The following SH3RF1 variants were observed in gnomAD, a reference collection of about 807,000 sequenced individuals.
SH3RF1 encodes the protein SH3 domain containing ring finger 1, also known as E3 ubiquitin-protein ligase SH3RF1.
In SH3RF1, 32 loss-of-function variants were observed where a neutral mutation model predicts 74.0. The ratio of observed to expected loss-of-function variants is 0.43; its 90% CI spans 0.33 to 0.58. The LOEUF is 0.58. Ranked by LOEUF, SH3RF1 falls within the 20% of genes least tolerant of loss-of-function variation. SH3RF1 has a pLI of 0.05. For synonymous variants in SH3RF1, 396 were observed against 439.6 expected (o/e 0.90, Z 1.24); for missense variants, 954 against 1,130.9 (o/e 0.84, Z 2.24).
At chr4:169,130,363 G>A (rs944130890) in intron 5 of SH3RF1, among the ~76,000 whole-genome samples, 4 of 152,056 alleles carry the variant, frequency 2.6e-5, no homozygotes, top group African/African-American at 7.2e-5. Context: ...GCTGGGGAGT[G>A]ATGTGATAAA....
chr4:169,166,043 T>C (rs1734236617), intron 2 of SH3RF1, among the ~76,000 whole-genome samples: 1 of 151,994 alleles, frequency 6.6e-6, no homozygotes, highest in Non-Finnish European at 1.5e-5. Context: ...TAGTGATGTG[T>C]AGGGAGGGGA....
At chr4:169,224,173 C>G (rs1579148006) in intron 2 of SH3RF1, among the ~76,000 whole-genome samples, 4 of 152,308 alleles carry the variant, frequency 2.6e-5, no homozygotes, top group East Asian at 1.9e-4. Flanking sequence ...GGCAGTACAT[C>G]CCACTGAGAA....
rs145575230 is a variant in SH3RF1 at position 169,190,727 on chromosome 4, C to G, written c.394-34048G>C. 9.5e-3 allele frequency among the ~76,000 whole-genome samples: 1,441 copies of G among 152,184 alleles called. 51 individuals carry two copies. The East Asian group carries it at 0.11, about 11-fold the overall frequency. ...ACCCTCCCTAAATCATTCTATGAAG[C>G]CAGCATCACCCTAATACCAAAACCA... is the stretch of plus-strand genomic sequence containing the variant. On this transcript the variant is annotated intron_variant, in intron 2 of 11. Coordinates refer to ENST00000284637, the MANE Select transcript of SH3RF1 (RefSeq NM_020870.4).
chr4:169,256,187 A>T (rs7691304), intron 2 of SH3RF1, among the ~76,000 whole-genome samples: 2,999 of 152,214 alleles, frequency 0.02, 95 homozygotes, highest in African/African-American at 0.065. Flanking sequence ...GAATTTTTTT[A>T]AAATTACTTG....
intron 6 of SH3RF1, among the ~76,000 whole-genome samples, chr4:169,129,488 C>T (rs939646958): frequency 2.0e-5 from 3 of 152,174 alleles, no homozygotes; most frequent in African/African-American, 7.2e-5. Flanking sequence ...CGTTTAGACT[C>T]TATCTGTAGG....
intron 2 of SH3RF1, among the ~76,000 whole-genome samples, chr4:169,215,382 T>C (rs939989111): frequency 6.6e-6 from 1 of 152,228 alleles, no homozygotes; most frequent in African/African-American, 2.4e-5. Flanking sequence ...TATACACCTA[T>C]GTTCATGACA....
chr4:169,224,111 C>T (rs1028822294), intron 2 of SH3RF1, among the ~76,000 whole-genome samples: 1 of 152,132 alleles, frequency 6.6e-6, no homozygotes, highest in African/African-American at 2.4e-5. Context: ...GTCCTTGTAA[C>T]AATTTAGAAG....
At chr4:169,158,551 A>C (rs1249830100) in intron 2 of SH3RF1, among the ~76,000 whole-genome samples, 1 of 152,248 alleles carries the variant, frequency 6.6e-6, no homozygotes, top group Non-Finnish European at 1.5e-5. Flanking sequence ...TTTAATGCAC[A>C]AACAGACTTA....
intron 10 of SH3RF1, among the ~76,000 whole-genome samples, chr4:169,113,117 T>C (rs544720440): frequency 1.3e-3 from 193 of 151,700 alleles, no homozygotes; most frequent in African/African-American, 4.4e-3. Flanking sequence ...TTTTCTTTTT[T>C]TTTTCCCCCC....
At chr4:169,123,040 C>T (rs1579093169) in intron 6 of SH3RF1, among the ~76,000 whole-genome samples, 1 of 152,234 alleles carries the variant, frequency 6.6e-6, no homozygotes. Flanking sequence ...CTTGGGAAAA[C>T]AGGCACACAA....
intron 2 of SH3RF1, among the ~76,000 whole-genome samples, chr4:169,206,216 G>A (rs369113560): frequency 6.6e-6 from 1 of 152,230 alleles, no homozygotes; most frequent in East Asian, 1.9e-4. Context: ...TGCTATAAAT[G>A]ACAGCACTTC....
At chr4:169,131,271 T>G (rs1044072627) in intron 5 of SH3RF1, among the ~76,000 whole-genome samples, 2 of 152,186 alleles carry the variant, frequency 1.3e-5, no homozygotes, top group Non-Finnish European at 2.9e-5. Context: ...TTCATCTGTA[T>G]CTATTAGTCT....
intron 10 of SH3RF1, among the ~76,000 whole-genome samples, chr4:169,111,975 C>T (rs932016365): frequency 3.3e-5 from 5 of 152,028 alleles, no homozygotes; most frequent in Admixed American, 1.3e-4. Flanking sequence ...AAGGAGTAGC[C>T]GGTTAGAAGA....
chr4:169,119,278 AT>A (rs11397253), intron 8 of SH3RF1, among the ~76,000 whole-genome samples: 1,961 of 66,384 alleles, frequency 0.03, 28 homozygotes, highest in African/African-American at 0.066. Context: ...TAATTTTTGT[AT>A]TTTTTTTTTT....
At chr4:169,202,325 G>A (rs145992964) in intron 2 of SH3RF1, among the ~76,000 whole-genome samples, 1 of 152,094 alleles carries the variant, frequency 6.6e-6, no homozygotes, top group Non-Finnish European at 1.5e-5. Flanking sequence ...CTTGGTATGA[G>A]GTCAACCTTG....
At chr4:169,208,772 T>C (rs1190035637) in intron 2 of SH3RF1, among the ~76,000 whole-genome samples, 1 of 152,098 alleles carries the variant, frequency 6.6e-6, no homozygotes, top group Non-Finnish European at 1.5e-5. Flanking sequence ...GTCCAGCTCC[T>C]GGAAAGCTAC....
chr4:169,252,742 A>T (rs979120880), intron 2 of SH3RF1, among the ~76,000 whole-genome samples: 2 of 152,232 alleles, frequency 1.3e-5, no homozygotes, highest in African/African-American at 4.8e-5. Context: ...GTGCTGATGG[A>T]CTGACGTATT....
intron 2 of SH3RF1, among the ~76,000 whole-genome samples, chr4:169,259,644 A>T (rs950171675): frequency 6.6e-6 from 1 of 152,192 alleles, no homozygotes; most frequent in Non-Finnish European, 1.5e-5. Flanking sequence ...AGATACATGT[A>T]CTCTTTATAA....
At chr4:169,259,840 T>C (rs1731249145) in intron 2 of SH3RF1, among the ~76,000 whole-genome samples, 2 of 152,258 alleles carry the variant, frequency 1.3e-5, no homozygotes, top group South Asian at 4.1e-4. Context: ...GTAGTATTTC[T>C]ATCACAAGTA....
Sources: allele counts gnomAD v4.1 joint callset (sites outside exome capture counted in the v4.1 genomes callset), GRCh38; gene constraint gnomAD v4.1.1; transcripts MANE v1.5; gene names NCBI Gene and HGNC (gene_info 2026-07-23, HGNC 2026-07-21).